The following GPI variants were observed in gnomAD, a reference collection of about 807,000 sequenced individuals.
GPI encodes the protein glucose-6-phosphate isomerase, also known as D-hexose-6-phosphate anomerase.
A neutral mutation model predicts 75.8 loss-of-function variants in GPI; 56 were observed. That is an observed-to-expected ratio of 0.74 (90% CI 0.60 to 0.92). GPI has a LOEUF of 0.92. GPI is among the 40% of genes least tolerant of loss of function. GPI has a pLI of 0.00. For missense variants in GPI, 638 were observed against 741.0 expected (o/e 0.86, Z 1.61); for synonymous variants, 288 against 285.4 (o/e 1.01, Z -0.09).
chr19:34,363,083 G>A (rs903490049), upstream of GPI, among the ~76,000 whole-genome samples: 4 of 152,138 alleles, frequency 2.6e-5, no homozygotes, highest in African/African-American at 9.7e-5. Flanking sequence ...CCAAGGATTC[G>A]AGACTAGCCT....
At chr19:34,368,487 T>TGGATAGA in intron 3 of GPI, 96 bp from the exon 4 acceptor site, 1 of 1,374,022 alleles carries the variant, frequency 7.3e-7, no homozygotes, top group Non-Finnish European at 1.0e-6. Context: ...GCCTGTCTAG[T>TGGATAGA]GGATAGAGGG....
In GPI at chr19:34,393,742, G is replaced by C; in HGVS notation, c.880G>C (p.Glu294Gln). ...TTGTGTCACAGGTTTTGACAACTTC[G>C]AGCAGCTGCTCTCGGGGGCTCACTG... is the stretch of plus-strand genomic sequence containing the variant. ...IALHVGFDNF[E>Q]QLLSGAHWMD... Residue 294 changes from glutamate (E) to glutamine (Q), a missense_variant, in exon 11 of 18, where the codon GAG becomes CAG. Transcript: ENST00000356487. The surrounding 1 kb of genome is among the most constrained non-coding windows in gnomAD (Gnocchi z 4.4). 6.2e-7 allele frequency: 1 copy of C among 1,613,378 alleles called. No individual in the cohort carries two copies. Among genetic ancestry groups the C allele is most frequent in the Non-Finnish European group, 8.5e-7 (1 of 1,179,974 alleles).
At chr19:34,360,209 G>A (rs2074294000), upstream of GPI, among the ~76,000 whole-genome samples, 1 of 152,160 alleles carries the variant, frequency 6.6e-6, no homozygotes, top group Admixed American at 6.6e-5. Flanking sequence ...CCAGGATCCT[G>A]GGGATTCTGA....
upstream of GPI, among the ~76,000 whole-genome samples, chr19:34,361,139 T>C (rs533935443): frequency 3.3e-5 from 5 of 151,464 alleles, no homozygotes; most frequent in East Asian, 5.9e-4. Flanking sequence ...TCGCCCAGGC[T>C]GGAGTGCAGT....
chr19:34,365,229 C>G lies in GPI; in HGVS notation c.-38C>G, dbSNP rs776955537. The G allele has an allele frequency of 2.1e-6, 3 of 1,448,444 alleles. No homozygotes were observed. In the South Asian group the frequency reaches 4.4e-5, roughly 21 times the overall value. The allele number at this position is 1,448,444 out of a possible 1,614,324, so 89.7% of individuals were successfully genotyped here. ...CGCGCTGCCGGCGCTCCTTCCTCCT[C>G]GGCTCGCGTCTCACTCAGTGTACCT... On this transcript the variant is annotated 5_prime_UTR_variant, in exon 1 of 18. Transcript: ENST00000356487.
Position 34,365,320 on chromosome 19 carries a change from C to T in GPI, c.54C>T (p.Arg18=), listed in dbSNP as rs2074342017. ...TCCAGAAGCTGCAGCAATGGTACCG[C>T]GAGCACCGCTCCGAGCTGAACCTGC... is the stretch of plus-strand genomic sequence containing the variant. ...PQFQKLQQWY[R]EHRSELNLRR... The change falls in exon 1 of 18, where the codon CGC becomes CGT. Residue 18 remains arginine (R), a synonymous_variant. Coordinates refer to ENST00000356487, the MANE Select transcript of GPI (RefSeq NM_000175.5). 6.3e-7 allele frequency: 1 copy of T among 1,591,076 alleles called. No homozygotes were observed. The highest frequency in any genetic ancestry group is 1.1e-5 in the South Asian group (1 of 89,098).
chr19:34,380,966 T>C (rs2074641087), intron 8 of GPI: 1 of 265,488 alleles, frequency 3.8e-6, no homozygotes, highest in Non-Finnish European at 7.5e-6. Flanking sequence ...GGGACCAGAA[T>C]ACCTGATGGC....
intron 4 of GPI, among the ~76,000 whole-genome samples, chr19:34,372,423 C>A (rs1246644558): frequency 6.6e-6 from 1 of 152,150 alleles, no homozygotes; most frequent in Non-Finnish European, 1.5e-5. Context: ...AAGAGGATTG[C>A]TTGAGGCCAG....
chr19:34,379,357 C>A (rs1275907477), intron 7 of GPI, among the ~76,000 whole-genome samples, 161 bp from the exon 8 acceptor site: 1 of 152,174 alleles, frequency 6.6e-6, no homozygotes, highest in Non-Finnish European at 1.5e-5. Context: ...GACCCGTCTG[C>A]TTTCTTGACC....
intron 4 of GPI, among the ~76,000 whole-genome samples, chr19:34,376,083 G>T (rs1165615416): frequency 6.6e-6 from 1 of 152,190 alleles, no homozygotes; most frequent in African/African-American, 2.4e-5. Context: ...TTGTAACCAG[G>T]AAAGAGTCTA....
chr19:34,376,231 C>G (rs559229182), intron 4 of GPI, among the ~76,000 whole-genome samples: 3 of 152,214 alleles, frequency 2.0e-5, no homozygotes, highest in African/African-American at 7.2e-5. Flanking sequence ...AGAGACCAGG[C>G]TGGGCAACGT....
chr19:34,380,403 C>T (rs2074632163), intron 8 of GPI, among the ~76,000 whole-genome samples: 1 of 152,070 alleles, frequency 6.6e-6, no homozygotes, highest in Non-Finnish European at 1.5e-5. Context: ...TATGCCTCAG[C>T]CTGCTGATTC....
upstream of GPI, chr19:34,365,178 C>T: frequency 3.1e-6 from 4 of 1,284,408 alleles, no homozygotes; most frequent in Non-Finnish European, 2.9e-6. Flanking sequence ...TAAAGGCCGC[C>T]GCGCGCCCAC....
intron 8 of GPI, chr19:34,379,985 GTTTTGTTTTTTTTTTTTTT>G: frequency 7.8e-6 from 1 of 127,590 alleles, no homozygotes; most frequent in East Asian, 2.9e-4. Context: ...AGTGTGTGTG[GTTTTGTTTTTTTTTTTTTT>G]TTTTTTTTTT....
At chr19:34,387,019 G>T (rs1599840574) in intron 9 of GPI, among the ~76,000 whole-genome samples, 1 of 152,206 alleles carries the variant, frequency 6.6e-6, no homozygotes, top group Admixed American at 6.5e-5. Context: ...CCAGACACAG[G>T]ATGTGGACTG....
intron 12 of GPI, among the ~76,000 whole-genome samples, chr19:34,395,547 GA>G: frequency 6.6e-6 from 1 of 152,132 alleles, no homozygotes; most frequent in African/African-American, 2.4e-5. Flanking sequence ...GTCTCTTTGG[GA>G]AAAAAAGAAG....
chr19:34,379,821 T>C (rs2074614686), intron 8 of GPI: 1 of 603,612 alleles, frequency 1.7e-6, no homozygotes, highest in East Asian at 2.8e-5. Context: ...GCCTGACTGA[T>C]ACACAGAACC....
chr19:34,383,708 G>GGGCAGGTGAGGCA, intron 9 of GPI, among the ~76,000 whole-genome samples: 1 of 152,180 alleles, frequency 6.6e-6, no homozygotes, highest in South Asian at 2.1e-4. Context: ...AGGGGAGCTG[G>GGGCAGGTGAGGCA]GGCAGGTGAG....
intron 4 of GPI, among the ~76,000 whole-genome samples, chr19:34,372,893 C>T (rs1029136377): frequency 2.0e-5 from 3 of 152,124 alleles, no homozygotes; most frequent in African/African-American, 7.2e-5. Flanking sequence ...CCTGCCTCAG[C>T]CTCCCGAGTA....
Sources: allele counts gnomAD v4.1 joint callset (sites outside exome capture counted in the v4.1 genomes callset), GRCh38; gene constraint gnomAD v4.1.1; non-coding constraint Gnocchi (gnomAD v3.1); transcripts MANE v1.5; gene names NCBI Gene and HGNC (gene_info 2026-07-23, HGNC 2026-07-21).